C5orf63: variants seen among roughly 807,000 people sequenced by gnomAD.
The protein encoded by C5orf63 is chromosome 5 open reading frame 63.
Under a neutral mutation model 13.3 loss-of-function variants are expected in C5orf63, and 18 were observed. The ratio of observed to expected loss-of-function variants is 1.36; its 90% confidence interval spans 0.94 to 2.01. The LOEUF is 2.01. C5orf63 is among the 30% of genes most tolerant of loss of function. The pLI, the probability that C5orf63 is intolerant of heterozygous loss-of-function variation, is 0.00. For missense variants in C5orf63, 118 were observed against 127.7 expected (o/e 0.92, Z 0.36); for synonymous variants, 38 against 44.7 (o/e 0.85, Z 0.60).
intron 4 of C5orf63, chr5:127,052,328 A>C: frequency 2.9e-6 from 1 of 344,430 alleles, no homozygotes. Flanking sequence ...AAACAAGATA[A>C]AAGGAATGGG....
downstream of C5orf63, chr5:127,047,838 A>C (rs146434018): frequency 1.4e-6 from 1 of 703,874 alleles, no homozygotes; most frequent in East Asian, 2.7e-5. Context: ...CCGACTGAGA[A>C]GCCATGTGGG....
chr5:127,058,629 C>A, intron 3 of C5orf63: 2 of 359,510 alleles, frequency 5.6e-6, no homozygotes, highest in Non-Finnish European at 1.0e-5. Context: ...TTTTAAACAC[C>A]ATATTATAAC....
At position 127,058,925 on chromosome 5, in the gene C5orf63, G is replaced by C. The variant is rs912034273; in HGVS notation, c.71C>G (p.Ser24Cys). The C allele has an allele frequency of 4.7e-5, 72 of 1,536,982 alleles. No individual in the cohort carries two copies. Among genetic ancestry groups the C allele is most frequent in the Non-Finnish European group, 5.9e-5 (68 of 1,146,746 alleles). ...CACAGGCAGAGTTGTCTTAGAGGCAGAGCAATTTCTCAAGAAGAGTCCAAA... is the reference window on the plus strand; with the variant it reads ...CACAGGCAGAGTTGTCTTAGAGGCACAGCAATTTCTCAAGAAGAGTCCAAA... The part of the protein sequence containing the change: ...SSFGLFLRNC[S>C]ASKTTLPVLT... Residue 24 changes from serine to cysteine, a missense_variant, in exon 3 of 5, where the codon TCT (serine) becomes TGT (cysteine). Physicochemically the swap from Ser to Cys is moderately radical, Grantham distance 112. Coordinates refer to ENST00000296662, the MANE Select transcript of C5orf63 (RefSeq NM_001164478.2).
chr5:127,065,881 GGGTAT>G (rs1754310578), intron 2 of C5orf63, among the ~76,000 whole-genome samples: 1 of 152,114 alleles, frequency 6.6e-6, no homozygotes, highest in Non-Finnish European at 1.5e-5. Context: ...ATAGGTGTTG[GGGTAT>G]GGTGATGAAC....
chr5:127,046,661 C>T (rs1753527131), downstream of C5orf63: 1 of 152,184 alleles, frequency 6.6e-6, no homozygotes, highest in African/African-American at 2.4e-5. Flanking sequence ...AGGCTTCTGT[C>T]CTAAAGGTGG....
At chr5:127,054,849 C>T (rs1753818632) in intron 3 of C5orf63, among the ~76,000 whole-genome samples, 1 of 152,112 alleles carries the variant, frequency 6.6e-6, no homozygotes, top group African/African-American at 2.4e-5. Flanking sequence ...AGGTTTTCTT[C>T]TAGGGTTTTT....
intron 2 of C5orf63, among the ~76,000 whole-genome samples, chr5:127,066,154 G>A (rs1345007999): frequency 1.3e-5 from 2 of 151,872 alleles, no homozygotes; most frequent in African/African-American, 4.9e-5. Context: ...TATGGCTTAA[G>A]CAGAGTACAC....
downstream of C5orf63, chr5:127,043,700 G>A (rs1159380390): frequency 3.9e-5 from 6 of 152,106 alleles, no homozygotes; most frequent in African/African-American, 1.4e-4. Flanking sequence ...CCCAACTTCT[G>A]ACATCTCTTT....
At chr5:127,071,722 A>G (rs1402799718) in intron 1 of C5orf63, 37 bp from the exon 2 acceptor site, 2 of 152,224 alleles carry the variant, frequency 1.3e-5, no homozygotes, top group African/African-American at 4.8e-5. Context: ...GATTTAAATA[A>G]GGAACATAAA....
chr5:127,072,610 T>C (rs1754591208), intron 1 of C5orf63, among the ~76,000 whole-genome samples: 1 of 152,098 alleles, frequency 6.6e-6, no homozygotes, highest in Non-Finnish European at 1.5e-5. Context: ...ATTGAGAATC[T>C]TGGGGTCAAG....
Position 127,051,840 on chromosome 5 carries a change from C to T in C5orf63, c.279G>A (p.Met93Ile), listed in dbSNP as rs1753686067. The T allele has an allele frequency of 6.5e-7, 1 of 1,535,872 alleles. No individual in the cohort carries two copies. The highest frequency in any genetic ancestry group is 8.7e-7 in the Non-Finnish European group (1 of 1,146,256). The change falls in exon 5 of 5, where the codon ATG (methionine) becomes ATA (isoleucine). Residue 93 changes from methionine to isoleucine, a missense_variant. Coordinates refer to ENST00000296662, the MANE Select transcript of C5orf63 (RefSeq NM_001164478.2). ...CAAGTTTTGAGGTGTTTACTCGATG[C>T]ATCATCAGAAACTGGCCATTCAAGT... The part of the protein sequence containing the change: ...VFHLNGQFLM[M>I]HRVNTSKLEK...
In C5orf63 at chr5:127,069,627, T is replaced by A. The variant is rs1034666207; in HGVS notation, c.-8+1957A>T. On this transcript the variant is annotated intron_variant, in intron 2 of 4. Coordinates refer to ENST00000296662, the MANE Select transcript of C5orf63 (RefSeq NM_001164478.2). ...GGACATTGAGTTGCTAAATCCAGCA[T>A]TTCCCTGGACTTGTGATAACAGTAA... 5.3e-5 allele frequency among the ~76,000 whole-genome samples: 8 copies of A among 152,322 alleles called. No individual in the cohort carries two copies. The Middle Eastern group carries it at 0.014, about 259-fold the overall frequency.
chr5:127,047,535 G>A (rs1753544633), downstream of C5orf63: 5 of 575,802 alleles, frequency 8.7e-6, no homozygotes, highest in South Asian at 1.1e-4. Flanking sequence ...AATAAGAATT[G>A]ATGAGTAAGT....
chr5:127,061,861 C>T (rs1178144435), intron 2 of C5orf63, among the ~76,000 whole-genome samples: 2 of 152,120 alleles, frequency 1.3e-5, no homozygotes, highest in African/African-American at 4.8e-5. Context: ...GAAGAATTAA[C>T]TTCATTAAAG....
At position 127,045,550 on chromosome 5, in the gene C5orf63, A is replaced by T. The variant is rs542941431; in HGVS notation, c.*2120T>A. ...TGCAATATAATTTTCCCATCTCAAGATCCTTAACTTAAATCTGCAAAGTCC... is the reference window on the plus strand; with the variant it reads ...TGCAATATAATTTTCCCATCTCAAGTTCCTTAACTTAAATCTGCAAAGTCC... On this transcript the variant is annotated 3_prime_UTR_variant, in exon 5 of 5. Transcript: ENST00000535381. 4 of 152,308 alleles carry T rather than the reference A, an allele frequency of 2.6e-5. No individual in the cohort carries two copies. In the South Asian group the frequency reaches 8.3e-4, roughly 32 times the overall value. The allele number at this position is 152,308 out of a possible 1,614,324, so 9.4% of individuals were successfully genotyped here. A position where few individuals can be genotyped will look rare whatever the true frequency, so the allele number is the denominator to read the frequency against.
intron 2 of C5orf63, among the ~76,000 whole-genome samples, chr5:127,067,226 T>C (rs1754363766): frequency 6.6e-6 from 1 of 152,184 alleles, no homozygotes; most frequent in African/African-American, 2.4e-5. Flanking sequence ...TAAAAATCTC[T>C]GTGTAAGTTA....
intron 4 of C5orf63, 49 bp from the exon 5 acceptor site, chr5:127,051,996 G>GT (rs1753694472): frequency 7.4e-7 from 1 of 1,352,208 alleles, no homozygotes; most frequent in African/African-American, 1.5e-5. Flanking sequence ...ATGGGGTGAT[G>GT]TAACAACTGC....
chr5:127,062,579 A>G (rs759458263), intron 2 of C5orf63, among the ~76,000 whole-genome samples: 1 of 152,202 alleles, frequency 6.6e-6, no homozygotes, highest in African/African-American at 2.4e-5. Context: ...AGAAAAAAAT[A>G]AAATGAAAAA....
downstream of C5orf63, among the ~76,000 whole-genome samples, chr5:127,049,507 T>C (rs1753605356): frequency 6.6e-6 from 1 of 152,256 alleles, no homozygotes; most frequent in South Asian, 2.1e-4. Flanking sequence ...TGGTACCATT[T>C]GACATGTGTC....
Sources: allele counts gnomAD v4.1 joint callset (sites outside exome capture counted in the v4.1 genomes callset), GRCh38; gene constraint gnomAD v4.1.1; transcripts MANE v1.5; gene names NCBI Gene and HGNC (gene_info 2026-07-23, HGNC 2026-07-21).